HSPA12A: variants seen among roughly 807,000 people sequenced by gnomAD.
The protein encoded by HSPA12A is heat shock 70 kDa protein 12A.
HSPA12A carries 28 observed loss-of-function variants against 69.2 expected under a neutral mutation model. The ratio of observed to expected loss-of-function variants is 0.40; its 90% CI spans 0.30 to 0.55. The LOEUF (loss-of-function observed/expected upper bound fraction) is 0.55, where lower values mean the gene tolerates loss of function less well. Among genes scored for constraint, HSPA12A ranks in the 20% least tolerant of loss-of-function variants. The pLI is 0.38. For synonymous variants in HSPA12A, 345 were observed against 370.5 expected (o/e 0.93, Z 0.79); for missense variants, 686 against 900.7 (o/e 0.76, Z 3.05).
chr10:116,720,850 G>A (rs780799805), intron 1 of HSPA12A, among the ~76,000 whole-genome samples: 44 of 152,176 alleles, frequency 2.9e-4, no homozygotes, highest in Non-Finnish European at 5.0e-4. Context: ...GCTAAAAGGG[G>A]CTCCAAGGAG....
chr10:116,786,983 GACACAC>G (rs111355992), intron 2 of HSPA12A, among the ~76,000 whole-genome samples: 1 of 66,734 alleles, frequency 1.5e-5, no homozygotes, highest in Non-Finnish European at 4.0e-5. Flanking sequence ...TCACCTCCCG[GACACAC>G]ACACACACAC....
chr10:116,694,630 A>T (rs902303355), intron 5 of HSPA12A, among the ~76,000 whole-genome samples: 1 of 151,722 alleles, frequency 6.6e-6, no homozygotes, highest in African/African-American at 2.4e-5. Context: ...CTGAGTCCTA[A>T]ATTTTGCCCC....
chr10:116,798,500 C>T (rs138802039), intron 2 of HSPA12A, among the ~76,000 whole-genome samples: 332 of 152,216 alleles, frequency 2.2e-3, no homozygotes, highest in Non-Finnish European at 4.0e-3. Flanking sequence ...TAGCATAGCA[C>T]CTTCAGACAA....
chr10:116,846,331 C>CT lies in HSPA12A; in HGVS notation c.3+3234dup, dbSNP rs398054763. Among the ~76,000 whole-genome samples the CT allele has an allele frequency of 4.5e-3, 637 of 140,518 alleles. 6 individuals are homozygous for CT. The highest frequency in any genetic ancestry group is 0.012 in the African/African-American group (475 of 38,228). 92.2% of individuals were successfully genotyped at this position (140,518 alleles called of 152,430 possible). On this transcript the variant is annotated intron_variant, in intron 1 of 12. Coordinates refer to the HSPA12A transcript ENST00000635765. ...ATATTGTTAATGTAATTTTTCTTTTCTTTTTTTTTTTTGTTTTTTTGTTTT... is the reference window on the plus strand; with the variant it reads ...ATATTGTTAATGTAATTTTTCTTTTCTTTTTTTTTTTTTGTTTTTTTGTTTT...
chr10:116,736,780 G>T (rs1554886474), intron 1 of HSPA12A, among the ~76,000 whole-genome samples: 1 of 152,112 alleles, frequency 6.6e-6, no homozygotes, highest in Non-Finnish European at 1.5e-5. Context: ...CAACACCTTG[G>T]TTTTAGCCCA....
At chr10:116,683,998 C>A (rs782584705) in intron 6 of HSPA12A, 36 bp from the exon 7 acceptor site, 56 of 1,511,806 alleles carry the variant, frequency 3.7e-5, no homozygotes, top group Non-Finnish European at 4.7e-5. Flanking sequence ...ACCCAGGGCC[C>A]CCTGGGCCGG....
intron 2 of HSPA12A, among the ~76,000 whole-genome samples, chr10:116,813,976 G>A (rs1845249185): frequency 6.6e-6 from 1 of 152,108 alleles, no homozygotes; most frequent in African/African-American, 2.4e-5. Flanking sequence ...AAGAAAAAAA[G>A]ACAATAGGAA....
At chr10:116,772,411 A>G (rs1436604484) in intron 2 of HSPA12A, among the ~76,000 whole-genome samples, 1 of 152,142 alleles carries the variant, frequency 6.6e-6, no homozygotes, top group African/African-American at 2.4e-5. Context: ...CTGGCAGAAA[A>G]TGCTGAGCAG....
intron 2 of HSPA12A, among the ~76,000 whole-genome samples, chr10:116,784,976 C>T (rs1370396528): frequency 1.3e-5 from 2 of 152,184 alleles, no homozygotes; most frequent in African/African-American, 4.8e-5. Flanking sequence ...CCCAGTCCTG[C>T]TGGTTCTAGG....
intron 2 of HSPA12A, among the ~76,000 whole-genome samples, chr10:116,771,812 C>A (rs1844218409): frequency 1.3e-5 from 2 of 151,970 alleles, no homozygotes; most frequent in South Asian, 4.1e-4. Context: ...GAGAGTGCAC[C>A]CCCAAGGTGC....
chr10:116,849,839 C>T, upstream of HSPA12A: 1 of 1,265,100 alleles, frequency 7.9e-7, no homozygotes, highest in Non-Finnish European at 1.1e-6. Context: ...CGCATGCCAG[C>T]CGCCCGGGCC....
intron 1 of HSPA12A, among the ~76,000 whole-genome samples, chr10:116,846,474 C>T (rs193150343): frequency 2.0e-5 from 3 of 152,030 alleles, no homozygotes; most frequent in Admixed American, 6.6e-5. Context: ...CTCAGCCTCC[C>T]GAGTAGCTGG....
intron 2 of HSPA12A, among the ~76,000 whole-genome samples, chr10:116,822,417 C>T (rs1845423073): frequency 6.6e-6 from 1 of 152,166 alleles, no homozygotes; most frequent in African/African-American, 2.4e-5. Context: ...ATACAGAAAG[C>T]AGGAATCACC....
intron 1 of HSPA12A, among the ~76,000 whole-genome samples, chr10:116,730,017 T>A (rs1851102595): frequency 6.6e-6 from 1 of 152,178 alleles, no homozygotes; most frequent in Non-Finnish European, 1.5e-5. Context: ...ACCTCATCTC[T>A]ACTAAATATA....
At chr10:116,779,875 C>T (rs1019702275) in intron 2 of HSPA12A, among the ~76,000 whole-genome samples, 1 of 152,092 alleles carries the variant, frequency 6.6e-6, no homozygotes, top group African/African-American at 2.4e-5. Context: ...CCCCGCACCC[C>T]GACTCCATGT....
At chr10:116,720,988 A>G (rs1850759165) in intron 1 of HSPA12A, among the ~76,000 whole-genome samples, 1 of 152,220 alleles carries the variant, frequency 6.6e-6, no homozygotes. Flanking sequence ...CGCAGCACAG[A>G]CAGCAGACTT....
At chr10:116,713,079 T>TA (rs1375445982) in intron 1 of HSPA12A, among the ~76,000 whole-genome samples, 1 of 89,086 alleles carries the variant, frequency 1.1e-5, no homozygotes, top group Non-Finnish European at 2.5e-5. Context: ...AAAATCAGGC[T>TA]ATTTAAAAAA....
chr10:116,735,972 G>C (rs1276375242), intron 1 of HSPA12A, among the ~76,000 whole-genome samples: 1 of 152,066 alleles, frequency 6.6e-6, no homozygotes, highest in Non-Finnish European at 1.5e-5. Flanking sequence ...CTCCAGCCTG[G>C]GTCACAGAGG....
At position 116,742,517 on chromosome 10, in the gene HSPA12A, T is replaced by C; in HGVS notation, c.-48A>G. On this transcript the variant is annotated 5_prime_UTR_variant, in exon 1 of 12. Transcript: ENST00000369209. ...AGGGGAGCCTCCAGCGCAGCGCCCG[T>C]GCCCGTGCGGGTCTCTGTCCGCGTC... 1 of 1,230,268 alleles carries C rather than the reference T, an allele frequency of 8.1e-7. No individual in the cohort carries two copies. The highest frequency in any genetic ancestry group is 2.9e-5 in the South Asian group (1 of 34,562). 76.2% of individuals were successfully genotyped at this position (1,230,268 alleles called of 1,614,324 possible). A position where few individuals can be genotyped will look rare whatever the true frequency, so the allele number is the denominator to read the frequency against.
Sources: gnomAD v4.1 joint callset for allele counts (sites outside exome capture counted in the v4.1 genomes callset) on GRCh38, gnomAD v4.1.1 for gene constraint, MANE v1.5 for transcripts, NCBI Gene and HGNC (gene_info 2026-07-23, HGNC 2026-07-21) for gene names.